The following CYP27A1 variants were observed in gnomAD, a reference collection of about 807,000 sequenced individuals.
CYP27A1 encodes the protein cytochrome P450 family 27 subfamily A member 1.
Under a neutral mutation model 58.2 loss-of-function variants are expected in CYP27A1, and 46 were observed. That is an observed-to-expected ratio of 0.79 (90% CI 0.62 to 1.01). The LOEUF (loss-of-function observed/expected upper bound fraction) is 1.01, where lower values mean the gene tolerates loss of function less well. Ranked by LOEUF, CYP27A1 falls within the 50% of genes least tolerant of loss-of-function variation. CYP27A1 has a pLI of 0.00. For missense variants in CYP27A1, 704 were observed against 687.0 expected, an observed-to-expected ratio of 1.02 and a Z score of -0.28; for synonymous variants, 274 against 285.1, an observed-to-expected ratio of 0.96 and a Z score of 0.39.
At chr2:218,807,750 A>C (rs966610940) in intron 1 of CYP27A1, among the ~76,000 whole-genome samples, 11 of 151,106 alleles carry the variant, frequency 7.3e-5, no homozygotes, top group Non-Finnish European at 1.6e-4. Context: ...CTGGAATCAC[A>C]GGCGCACACT....
chr2:218,814,103 G>A lies in CYP27A1; in HGVS notation c.1100G>A (p.Gly367Asp). The A allele has an allele frequency of 2.5e-6, 4 of 1,614,250 alleles. No individual in the cohort carries two copies. The highest frequency in any genetic ancestry group is 1.6e-4 in the Middle Eastern group (1 of 6,062). ...IQEALHEEVV[G>D]VVPAGQVPQH... Reference sequence around the variant, plus strand: ...GAGGCCTTGCACGAGGAAGTGGTGGGTGTGGTGCCAGCCGGGCAAGTGCCC... The same window carrying A: ...GAGGCCTTGCACGAGGAAGTGGTGGATGTGGTGCCAGCCGGGCAAGTGCCC... The change falls in exon 6 of 9, where the codon GGT becomes GAT. Residue 367 changes from glycine (G) to aspartate (D), a missense_variant. Gly to Asp is a moderately conservative substitution (Grantham distance 94). Transcript: ENST00000258415.
At chr2:218,785,517 A>G (rs1049247787) in intron 1 of CYP27A1, among the ~76,000 whole-genome samples, 6 of 151,996 alleles carry the variant, frequency 3.9e-5, no homozygotes, top group Admixed American at 2.6e-4. Context: ...AGAACTAAGG[A>G]TTTCTCAGGG....
At chr2:218,797,736 T>G (rs907647628) in intron 1 of CYP27A1, among the ~76,000 whole-genome samples, 4 of 152,150 alleles carry the variant, frequency 2.6e-5, no homozygotes, top group Admixed American at 1.3e-4. Flanking sequence ...CTCAGAAACT[T>G]AAAAGCAAAA....
intron 1 of CYP27A1, among the ~76,000 whole-genome samples, chr2:218,795,431 A>G (rs1943539026): frequency 6.6e-6 from 1 of 152,186 alleles, no homozygotes; most frequent in Non-Finnish European, 1.5e-5. Flanking sequence ...ACACACCCAG[A>G]TAACTGGTGG....
intron 2 of CYP27A1, among the ~76,000 whole-genome samples, chr2:218,810,050 G>A (rs536178152): frequency 4.6e-5 from 7 of 152,124 alleles, no homozygotes; most frequent in Non-Finnish European, 5.9e-5. Context: ...AGGCTGAGGT[G>A]GGCGGATCAC....
intron 4 of CYP27A1, 51 bp downstream of exon 4, chr2:218,812,800 G>C (rs766370108): frequency 6.2e-7 from 1 of 1,609,118 alleles, no homozygotes; most frequent in Admixed American, 1.7e-5. Context: ...GTGACTCCAG[G>C]TCTGTGCATC....
chr2:218,790,475 C>G (rs949654222), intron 1 of CYP27A1, among the ~76,000 whole-genome samples: 1 of 152,296 alleles, frequency 6.6e-6, no homozygotes, highest in South Asian at 2.1e-4. Flanking sequence ...CTTGCTTTAA[C>G]TAAGCAGTCT....
At position 218,814,080 on chromosome 2, in the gene CYP27A1, G is replaced by T; in HGVS notation, c.1077G>T (p.Glu359Asp). The stretch of plus-strand genomic sequence containing the variant: ...TCTCAAAGGACCCTGAGATCCAGGA[G>T]GCCTTGCACGAGGAAGTGGTGGGTG... ...YHLSKDPEIQEALHEEVVGVV... is the reference protein window; with the variant it reads ...YHLSKDPEIQDALHEEVVGVV... Residue 359 changes from glutamate (E) to aspartate (D), a missense_variant, in exon 6 of 9, where the codon GAG (glutamate) becomes GAT (aspartate). Coordinates refer to ENST00000258415, the MANE Select transcript of CYP27A1 (RefSeq NM_000784.4). The T allele has an allele frequency of 6.2e-7, 1 of 1,614,248 alleles. No homozygotes were observed. Among genetic ancestry groups the T allele is most frequent in the Non-Finnish European group, 8.5e-7 (1 of 1,180,050 alleles).
intron 2 of CYP27A1, among the ~76,000 whole-genome samples, chr2:218,810,886 G>A (rs931524012): frequency 2.0e-5 from 3 of 152,086 alleles, no homozygotes; most frequent in African/African-American, 7.2e-5. Flanking sequence ...GGTGGCTCAC[G>A]CCTGTAATCC....
chr2:218,808,416 G>T (rs182670149), intron 1 of CYP27A1, among the ~76,000 whole-genome samples: 1 of 152,310 alleles, frequency 6.6e-6, no homozygotes, highest in African/African-American at 2.4e-5. Flanking sequence ...GGGTATATGG[G>T]TGATATATTG....
intron 1 of CYP27A1, among the ~76,000 whole-genome samples, chr2:218,799,629 C>A (rs185131408): frequency 2.0e-5 from 3 of 152,222 alleles, no homozygotes; most frequent in African/African-American, 7.2e-5. Context: ...TCTCGGGTAA[C>A]CTCACACCAA....
At chr2:218,799,177 C>T (rs1943575632) in intron 1 of CYP27A1, among the ~76,000 whole-genome samples, 1 of 152,106 alleles carries the variant, frequency 6.6e-6, no homozygotes, top group Admixed American at 6.6e-5. Context: ...CCCACCCCTC[C>T]CCCTAATGCT....
rs528296639 is a variant in CYP27A1 at position 218,782,615 on chromosome 2, C to T, written c.255+178C>T. 6.6e-6 allele frequency among the ~76,000 whole-genome samples: 1 copy of T among 152,244 alleles called. No homozygotes were observed. Among genetic ancestry groups the T allele is most frequent in the African/African-American group, 2.4e-5 (1 of 41,544 alleles). ...GAATGGGCAAAGTGCAGACAGAGCCCTTTGAGCTGAGATAAACAGGACGAG... is the reference window on the plus strand; with the variant it reads ...GAATGGGCAAAGTGCAGACAGAGCCTTTTGAGCTGAGATAAACAGGACGAG... On this transcript the variant is annotated intron_variant, in intron 1 of 8. Transcript: ENST00000258415. The surrounding 1 kb of genome is among the most constrained non-coding windows in gnomAD (Gnocchi z 4.1).
At chr2:218,795,856 TA>T (rs1943543039) in intron 1 of CYP27A1, among the ~76,000 whole-genome samples, 1 of 152,228 alleles carries the variant, frequency 6.6e-6, no homozygotes, top group Admixed American at 6.5e-5. Flanking sequence ...ATTATTTGCA[TA>T]AAGTACAGCA....
intron 1 of CYP27A1, among the ~76,000 whole-genome samples, chr2:218,793,901 A>G (rs186541013): frequency 1.3e-5 from 2 of 152,164 alleles, no homozygotes; most frequent in African/African-American, 4.8e-5. Flanking sequence ...TTTAGTAGAG[A>G]CAGAGTTTTG....
At chr2:218,791,444 C>T (rs1187647729) in intron 1 of CYP27A1, among the ~76,000 whole-genome samples, 1 of 152,190 alleles carries the variant, frequency 6.6e-6, no homozygotes, top group African/African-American at 2.4e-5. Flanking sequence ...ACACAACAGA[C>T]CCCCTTTTCA....
intron 1 of CYP27A1, among the ~76,000 whole-genome samples, chr2:218,800,711 T>C (rs1055052539): frequency 1.3e-5 from 2 of 152,174 alleles, no homozygotes; most frequent in Non-Finnish European, 1.5e-5. Context: ...CTTATACCCA[T>C]AGGTTCTTAA....
intron 1 of CYP27A1, among the ~76,000 whole-genome samples, chr2:218,807,736 G>T (rs1943666036): frequency 6.6e-6 from 1 of 151,762 alleles, no homozygotes; most frequent in Admixed American, 6.6e-5. Context: ...CAGCCTCCGA[G>T]TAGCTGGAAT....
chr2:218,801,348 A>G (rs1943598039), intron 1 of CYP27A1, among the ~76,000 whole-genome samples: 1 of 152,052 alleles, frequency 6.6e-6, no homozygotes, highest in African/African-American at 2.4e-5. Flanking sequence ...CTATTAAAAT[A>G]CAAAAAAATT....
Sources: allele counts gnomAD v4.1 joint callset (sites outside exome capture counted in the v4.1 genomes callset), GRCh38; gene constraint gnomAD v4.1.1; non-coding constraint Gnocchi (gnomAD v3.1); transcripts MANE v1.5; gene names NCBI Gene and HGNC (gene_info 2026-07-23, HGNC 2026-07-21).